COL25A1: variants seen among roughly 807,000 people sequenced by gnomAD.
COL25A1 encodes the protein collagen type XXV alpha 1 chain.
A neutral mutation model predicts 128.4 loss-of-function variants in COL25A1; 103 were observed. The observed-to-expected ratio is 0.80, with a 90% CI of 0.68 to 0.94. The LOEUF is 0.94. Among genes scored for constraint, COL25A1 ranks in the 40% least tolerant of loss-of-function variants. COL25A1 has a pLI of 0.00. For synonymous variants in COL25A1, 279 were observed against 277.2 expected, an observed-to-expected ratio of 1.01 and a Z score of -0.06; for missense variants, 745 against 840.0, an observed-to-expected ratio of 0.89 and a Z score of 1.40.
chr4:108,926,945 C>T (rs1560876242), intron 11 of COL25A1, among the ~76,000 whole-genome samples: 1 of 151,864 alleles, frequency 6.6e-6, no homozygotes, highest in Non-Finnish European at 1.5e-5. Flanking sequence ...GCAATGTTTT[C>T]AATGTAAAAG....
chr4:108,969,451 A>T (rs1317718269), intron 8 of COL25A1, among the ~76,000 whole-genome samples: 1 of 152,244 alleles, frequency 6.6e-6, no homozygotes, highest in East Asian at 1.9e-4. Flanking sequence ...CATTGAATCA[A>T]CAGTAACACC....
intron 19 of COL25A1, among the ~76,000 whole-genome samples, chr4:108,883,275 G>A (rs1443784169): frequency 2.0e-5 from 3 of 152,038 alleles, no homozygotes; most frequent in East Asian, 3.9e-4. Flanking sequence ...TAATCCGCCC[G>A]CTTCAGCCTC....
intron 5 of COL25A1, among the ~76,000 whole-genome samples, chr4:109,034,120 T>G (rs901956054): frequency 6.6e-6 from 1 of 152,124 alleles, no homozygotes; most frequent in Non-Finnish European, 1.5e-5. Context: ...ATAACAAAAA[T>G]GTAGTAGTAT....
chr4:108,830,538 C>T (rs1009255119), intron 32 of COL25A1, among the ~76,000 whole-genome samples: 4 of 152,220 alleles, frequency 2.6e-5, no homozygotes, highest in African/African-American at 9.6e-5. Flanking sequence ...CAGTTTAGCA[C>T]TTCCAGTGAG....
At chr4:109,226,005 AC>A (rs1190590678) in intron 3 of COL25A1, among the ~76,000 whole-genome samples, 31 of 135,310 alleles carry the variant, frequency 2.3e-4, no homozygotes, top group Admixed American at 8.0e-4. Context: ...ATACACACAC[AC>A]ACACACACAC....
intron 17 of COL25A1, 22 bp from the exon 18 acceptor site, chr4:108,889,278 T>G (rs1401195624): frequency 8.1e-6 from 13 of 1,613,218 alleles, no homozygotes; most frequent in Non-Finnish European, 1.1e-5. Flanking sequence ...AAACCAAAGA[T>G]GAAAAACACA....
At chr4:109,143,622 T>C (rs954190283) in intron 3 of COL25A1, among the ~76,000 whole-genome samples, 7 of 152,212 alleles carry the variant, frequency 4.6e-5, no homozygotes, top group African/African-American at 1.4e-4. Context: ...CTTTTTTCTC[T>C]AATCTTGTCT....
intron 3 of COL25A1, among the ~76,000 whole-genome samples, chr4:109,167,503 A>T (rs1212835383): frequency 6.6e-6 from 1 of 152,184 alleles, no homozygotes; most frequent in Non-Finnish European, 1.5e-5. Flanking sequence ...TGTTCTTAAA[A>T]TGTATCATTA....
chr4:108,845,610 A>G (rs1303489829), intron 28 of COL25A1, among the ~76,000 whole-genome samples: 1 of 152,202 alleles, frequency 6.6e-6, no homozygotes, highest in Non-Finnish European at 1.5e-5. Flanking sequence ...TGACATTTAT[A>G]TACTTCCTTG....
At chr4:108,937,887 TA>T (rs111796687) in intron 10 of COL25A1, 44 bp from the exon 11 acceptor site, 134 of 1,465,634 alleles carry the variant, frequency 9.1e-5, no homozygotes, top group Admixed American at 1.5e-4. Flanking sequence ...TGTAAGTATT[TA>T]AAAAAAAACC....
At chr4:108,874,065 A>C (rs868706852) in intron 19 of COL25A1, among the ~76,000 whole-genome samples, 5 of 152,232 alleles carry the variant, frequency 3.3e-5, no homozygotes, top group African/African-American at 1.2e-4. Context: ...AATGACTACT[A>C]TACTATAGTC....
chr4:109,011,922 A>T (rs1038036113), intron 5 of COL25A1, among the ~76,000 whole-genome samples: 1 of 152,266 alleles, frequency 6.6e-6, no homozygotes, highest in Non-Finnish European at 1.5e-5. Context: ...TGATACGTAT[A>T]CAGAAGCCAG....
intron 5 of COL25A1, among the ~76,000 whole-genome samples, chr4:109,027,807 T>C (rs1758449472): frequency 6.6e-6 from 1 of 152,122 alleles, no homozygotes; most frequent in South Asian, 2.1e-4. Flanking sequence ...GCAGTGGAGC[T>C]GCTCTTTAGT....
intron 3 of COL25A1, among the ~76,000 whole-genome samples, chr4:109,238,468 G>T (rs543423478): frequency 2.6e-5 from 4 of 151,860 alleles, no homozygotes; most frequent in Non-Finnish European, 4.4e-5. Flanking sequence ...TTCAATCATC[G>T]ACCAAGTGCT....
chr4:109,200,324 C>T (rs1288463019), intron 3 of COL25A1, among the ~76,000 whole-genome samples: 1 of 152,176 alleles, frequency 6.6e-6, no homozygotes, highest in Non-Finnish European at 1.5e-5. Context: ...ATCATTGCTC[C>T]ACTTCCATTT....
chr4:108,986,609 T>C (rs1753692719), intron 6 of COL25A1, among the ~76,000 whole-genome samples: 2 of 152,166 alleles, frequency 1.3e-5, no homozygotes, highest in Non-Finnish European at 2.9e-5. Context: ...CTAGAAAAAC[T>C]GATTTCATGA....
At chr4:109,253,779 T>A (rs371967080) in intron 3 of COL25A1, among the ~76,000 whole-genome samples, 1 of 152,180 alleles carries the variant, frequency 6.6e-6, no homozygotes, top group Non-Finnish European at 1.5e-5. Context: ...ATAAAATATT[T>A]CTGTTTACAG....
chr4:109,142,173 T>C (rs909107438), intron 3 of COL25A1, among the ~76,000 whole-genome samples: 10 of 152,216 alleles, frequency 6.6e-5, no homozygotes, highest in African/African-American at 2.4e-4. Flanking sequence ...TCTGCCTTAA[T>C]TTCGTTATTT....
intron 5 of COL25A1, among the ~76,000 whole-genome samples, chr4:109,031,098 C>T (rs1758808505): frequency 6.6e-6 from 1 of 151,870 alleles, no homozygotes; most frequent in African/African-American, 2.4e-5. Flanking sequence ...TTTCTTATGC[C>T]ACACAACTTT....
Sources: gnomAD v4.1 joint callset for allele counts (sites outside exome capture counted in the v4.1 genomes callset) on GRCh38, gnomAD v4.1.1 for gene constraint, MANE v1.5 for transcripts, NCBI Gene and HGNC (gene_info 2026-07-23, HGNC 2026-07-21) for gene names.